The following RSU1 variants were observed in gnomAD, a reference collection of about 807,000 sequenced individuals.
RSU1 encodes rsu-1.
A neutral mutation model predicts 31.1 loss-of-function variants in RSU1; 26 were observed. The ratio of observed to expected loss-of-function variants is 0.84; its 90% CI spans 0.61 to 1.16. The LOEUF (loss-of-function observed/expected upper bound fraction) is 1.16, where lower values mean the gene tolerates loss of function less well. Among genes scored for constraint, RSU1 ranks in the 50% most tolerant of loss-of-function variants. The pLI is 0.00. For synonymous variants in RSU1, 164 were observed against 136.3 expected (o/e 1.20, Z -1.41); for missense variants, 320 against 339.1 (o/e 0.94, Z 0.44).
intron 8 of RSU1, among the ~76,000 whole-genome samples, chr10:16,662,280 T>G (rs368587488): frequency 2.4e-4 from 36 of 152,342 alleles, no homozygotes; most frequent in African/African-American, 8.2e-4. Context: ...GTGCCCATGG[T>G]GTCTACAGAC....
intron 8 of RSU1, among the ~76,000 whole-genome samples, chr10:16,617,004 G>C (rs1833988817): frequency 6.6e-6 from 1 of 152,216 alleles, no homozygotes; most frequent in Admixed American, 6.5e-5. Flanking sequence ...AATCAGGCAA[G>C]AGAAGGAAAG....
At chr10:16,713,888 A>G (rs1836071882) in intron 7 of RSU1, among the ~76,000 whole-genome samples, 1 of 152,032 alleles carries the variant, frequency 6.6e-6, no homozygotes, top group Non-Finnish European at 1.5e-5. Flanking sequence ...GAGTGTGGTG[A>G]GTTAGCTTTA....
chr10:16,707,461 T>C (rs1835930504), intron 7 of RSU1, among the ~76,000 whole-genome samples: 1 of 152,184 alleles, frequency 6.6e-6, no homozygotes, highest in Admixed American at 6.5e-5. Flanking sequence ...TGATTTGCAC[T>C]TTCTTGATGA....
chr10:16,636,835 G>A (rs565793565), intron 8 of RSU1, among the ~76,000 whole-genome samples: 288 of 152,150 alleles, frequency 1.9e-3, no homozygotes, highest in African/African-American at 6.6e-3. Flanking sequence ...CTATAACTGC[G>A]CAATCTCCTT....
chr10:16,747,603 T>C (rs1174765002), intron 7 of RSU1, among the ~76,000 whole-genome samples: 1 of 152,194 alleles, frequency 6.6e-6, no homozygotes, highest in East Asian at 1.9e-4. Flanking sequence ...CCACTACCAG[T>C]ACCATCTGGA....
intron 7 of RSU1, among the ~76,000 whole-genome samples, chr10:16,714,193 T>A (rs902405691): frequency 6.6e-6 from 1 of 152,212 alleles, no homozygotes; most frequent in South Asian, 2.1e-4. Flanking sequence ...TACGTGGCTG[T>A]CTCTTCAAGA....
chr10:16,674,681 G>A (rs1835191944), intron 8 of RSU1, among the ~76,000 whole-genome samples: 2 of 152,136 alleles, frequency 1.3e-5, no homozygotes, highest in Admixed American at 1.3e-4. Context: ...AAACTTTGCT[G>A]AGATGGCATT....
intron 2 of RSU1, among the ~76,000 whole-genome samples, chr10:16,803,749 A>G (rs768182560): frequency 3.1e-4 from 47 of 152,332 alleles, no homozygotes; most frequent in Non-Finnish European, 5.7e-4. Context: ...TTTTCAACAA[A>G]CGGTGCTGAA....
chr10:16,681,155 A>G (rs1166069082), intron 8 of RSU1, among the ~76,000 whole-genome samples: 2 of 152,238 alleles, frequency 1.3e-5, no homozygotes, highest in African/African-American at 4.8e-5. Flanking sequence ...AAGTTCTTAG[A>G]TATTGGTTGT....
chr10:16,618,279 C>A (rs1564287713), intron 8 of RSU1, among the ~76,000 whole-genome samples: 1 of 152,200 alleles, frequency 6.6e-6, no homozygotes, highest in Non-Finnish European at 1.5e-5. Flanking sequence ...CAATGAGATA[C>A]CATCTCAGAC....
At chr10:16,731,361 C>T (rs59032004) in intron 7 of RSU1, among the ~76,000 whole-genome samples, 1,654 of 147,962 alleles carry the variant, frequency 0.011, 39 homozygotes, top group African/African-American at 0.038. Context: ...ACCCAGGAGG[C>T]GGAGCTTGCA....
At chr10:16,622,304 A>G (rs1053771387) in intron 8 of RSU1, among the ~76,000 whole-genome samples, 3 of 152,230 alleles carry the variant, frequency 2.0e-5, no homozygotes. Flanking sequence ...TGAAAAACAA[A>G]AGCATAGATC....
chr10:16,702,522 AC>A (rs1419128532), intron 7 of RSU1, among the ~76,000 whole-genome samples: 13 of 152,184 alleles, frequency 8.5e-5, no homozygotes, highest in African/African-American at 2.9e-4. Flanking sequence ...AATGTGGAAC[AC>A]GGAGTCAAGG....
intron 4 of RSU1, among the ~76,000 whole-genome samples, chr10:16,757,536 G>A (rs1837122473): frequency 6.6e-6 from 1 of 152,220 alleles, no homozygotes; most frequent in South Asian, 2.1e-4. Context: ...GTCACAATTT[G>A]TGAAGCACAT....
intron 3 of RSU1, among the ~76,000 whole-genome samples, chr10:16,768,009 T>G (rs1837349317): frequency 6.6e-6 from 1 of 152,246 alleles, no homozygotes. Flanking sequence ...TACTGGAATT[T>G]TCTAGATATC....
At chr10:16,608,687 C>G (rs914599386) in intron 8 of RSU1, among the ~76,000 whole-genome samples, 2 of 151,984 alleles carry the variant, frequency 1.3e-5, no homozygotes, top group African/African-American at 4.8e-5. Context: ...GAGAGCTCAA[C>G]AGGAGATGAG....
At chr10:16,650,524 A>C (rs1408338146) in intron 8 of RSU1, among the ~76,000 whole-genome samples, 3 of 152,010 alleles carry the variant, frequency 2.0e-5, no homozygotes, top group Non-Finnish European at 4.4e-5. Flanking sequence ...GAAGAACAAG[A>C]AGCAGATCTA....
chr10:16,625,503 G>A (rs1036576746), intron 8 of RSU1, among the ~76,000 whole-genome samples: 2 of 152,148 alleles, frequency 1.3e-5, no homozygotes, highest in African/African-American at 4.8e-5. Context: ...TTCTGATCGG[G>A]AAACCCACGA....
chr10:16,780,242 T>C (rs916295776), intron 3 of RSU1, among the ~76,000 whole-genome samples: 5 of 152,210 alleles, frequency 3.3e-5, no homozygotes, highest in African/African-American at 1.2e-4. Context: ...ATGAATGATA[T>C]AATAGAAATA....
Sources: gnomAD v4.1 joint callset for allele counts (sites outside exome capture counted in the v4.1 genomes callset) on GRCh38, gnomAD v4.1.1 for gene constraint, MANE v1.5 for transcripts, NCBI Gene and HGNC (gene_info 2026-07-23, HGNC 2026-07-21) for gene names.